The following SGCD variants were observed in gnomAD, a reference collection of about 807,000 sequenced individuals.
SGCD encodes sarcoglycan delta, also known as delta-sarcoglycan.
In SGCD, 18 loss-of-function variants were observed where a neutral mutation model predicts 36.6. The ratio of observed to expected loss-of-function variants is 0.49; its 90% CI spans 0.34 to 0.73. The LOEUF (loss-of-function observed/expected upper bound fraction) is 0.73, where lower values mean the gene tolerates loss of function less well. Ranked by LOEUF, SGCD falls within the 30% of genes least tolerant of loss-of-function variation. The pLI, the probability that SGCD is intolerant of heterozygous loss-of-function variation, is 0.01. For synonymous variants in SGCD, 133 were observed against 130.6 expected, an observed-to-expected ratio of 1.02 and a Z score of -0.12; for missense variants, 387 against 346.7, an observed-to-expected ratio of 1.12 and a Z score of -0.92.
rs1363136665 is a variant in SGCD, at chr5:156,049,914, T to G, written c.-281-67964T>G. On this transcript the variant is annotated intron_variant, in intron 1 of 9. Transcript: ENST00000517913. Reference sequence around the variant, plus strand: ...GAGCCTGGAGCTGTGACTGAAGTGCTGAAATCTCATGATAAAACTTGAATG... The same window carrying G: ...GAGCCTGGAGCTGTGACTGAAGTGCGGAAATCTCATGATAAAACTTGAATG... Among the ~76,000 whole-genome samples the G allele has an allele frequency of 2.0e-5, 3 of 146,678 alleles. 1 individual carries two copies. The highest frequency in any genetic ancestry group is 4.6e-5 in the Non-Finnish European group (3 of 64,996).
intron 2 of SGCD, among the ~76,000 whole-genome samples, chr5:156,344,012 C>T (rs7714142): frequency 0.13 from 20,458 of 152,102 alleles, 1,765 homozygotes; most frequent in African/African-American, 0.24. Context: ...TTGCCACTGA[C>T]TGGCAATACA....
At chr5:156,194,888 A>T (rs1763986078) in intron 3 of SGCD, among the ~76,000 whole-genome samples, 1 of 152,154 alleles carries the variant, frequency 6.6e-6, no homozygotes, top group Admixed American at 6.5e-5. Flanking sequence ...TGAACAATAA[A>T]GCCAGGTATG....
intron 1 of SGCD, among the ~76,000 whole-genome samples, chr5:156,102,451 A>G (rs1338083597): frequency 6.6e-6 from 1 of 152,150 alleles, no homozygotes; most frequent in Admixed American, 6.6e-5. Context: ...AATATTTCTG[A>G]AAAAAATCTT....
At chr5:155,870,442 A>G (rs1464909302) in intron 1 of SGCD, 1 of 152,162 alleles carries the variant, frequency 6.6e-6, no homozygotes, top group Non-Finnish European at 1.5e-5. Flanking sequence ...TCCAAATTTT[A>G]CTTACATTAT....
rs551133849 is a variant in SGCD at position 155,967,144 on chromosome 5, G to T, written c.-282+96720G>T. Among the ~76,000 whole-genome samples the T allele has an allele frequency of 1.7e-4, 26 of 152,014 alleles. No individual in the cohort carries two copies. The South Asian group carries it at 5.4e-3, about 32-fold the overall frequency. On this transcript the variant is annotated intron_variant, in intron 1 of 9. Transcript: ENST00000517913. Reference sequence around the variant, plus strand: ...CCCTCATTGTTTCACCCTCAAATTTGGGAGAGTATAATTCTGTGCTTGCCT... The same window carrying T: ...CCCTCATTGTTTCACCCTCAAATTTTGGAGAGTATAATTCTGTGCTTGCCT...
At chr5:155,731,186 AAG>A in the SGCD span, among the ~76,000 whole-genome samples, 1 of 151,738 alleles carries the variant, frequency 6.6e-6, no homozygotes. Context: ...CAGAGATAGA[AAG>A]AGAGAGGGAG....
rs991936594 is a variant in SGCD, at chr5:156,663,040, A to G, written c.575+15504A>G. On this transcript the variant is annotated intron_variant, in intron 7 of 8. Coordinates refer to ENST00000337851, the MANE Select transcript of SGCD (RefSeq NM_000337.6). ...CAACTGGAACTTTAATGCCATCTTC[A>G]TTTTTCCCTAGTCCCTTTCCTGGTA... is the stretch of plus-strand genomic sequence containing the variant. Among the ~76,000 whole-genome samples, 104 of 150,098 alleles carry G rather than the reference A, an allele frequency of 6.9e-4. 5 individuals carry two copies. Among genetic ancestry groups the G allele is most frequent in the Middle Eastern group, 3.4e-3 (1 of 294 alleles).
At chr5:156,601,837 C>T (rs1377728743) in intron 6 of SGCD, among the ~76,000 whole-genome samples, 1 of 151,922 alleles carries the variant, frequency 6.6e-6, no homozygotes, top group Admixed American at 6.5e-5. Flanking sequence ...GCGCCTGCCA[C>T]CACGCCCGGC....
intron 4 of SGCD, among the ~76,000 whole-genome samples, chr5:156,555,497 G>A (rs1380202567): frequency 2.6e-5 from 4 of 152,056 alleles, no homozygotes; most frequent in African/African-American, 7.2e-5. Context: ...CCACTGAATG[G>A]TTTGGTACCC....
intron 7 of SGCD, among the ~76,000 whole-genome samples, chr5:156,679,038 A>T (rs989867406): frequency 2.0e-5 from 3 of 152,224 alleles, no homozygotes; most frequent in African/African-American, 7.2e-5. Context: ...AGACCAGTGG[A>T]GAATGCAGCA....
intron 3 of SGCD, among the ~76,000 whole-genome samples, chr5:156,227,583 G>T (rs1764890458): frequency 6.6e-6 from 1 of 151,850 alleles, no homozygotes; most frequent in South Asian, 2.1e-4. Context: ...TGGCTATGTG[G>T]GCTCTTTTTT....
intron 3 of SGCD, among the ~76,000 whole-genome samples, chr5:156,377,417 A>G (rs1194929757): frequency 2.0e-5 from 3 of 152,176 alleles, no homozygotes; most frequent in East Asian, 1.9e-4. Flanking sequence ...ACAACACACT[A>G]TGTTTTCTTA....
chr5:156,313,109 T>A (rs773084098), intron 3 of SGCD, among the ~76,000 whole-genome samples: 2 of 152,078 alleles, frequency 1.3e-5, no homozygotes, highest in Non-Finnish European at 2.9e-5. Flanking sequence ...TTTATTTGCC[T>A]CCTCTTTCTT....
chr5:155,764,374 T>G, the SGCD span, among the ~76,000 whole-genome samples: 7 of 152,178 alleles, frequency 4.6e-5, no homozygotes, highest in Non-Finnish European at 1.0e-4. Context: ...TCAGGCTGAA[T>G]TCTGCAGGTC....
intron 7 of SGCD, among the ~76,000 whole-genome samples, chr5:156,723,073 G>T (rs17053843): frequency 1.6e-3 from 243 of 152,284 alleles, no homozygotes; most frequent in Non-Finnish European, 2.8e-3. Context: ...CCTAGAGAGG[G>T]TTAAAAGCTT....
At chr5:156,089,323 T>C (rs1163249356) in intron 1 of SGCD, among the ~76,000 whole-genome samples, 2 of 152,246 alleles carry the variant, frequency 1.3e-5, no homozygotes, top group Non-Finnish European at 2.9e-5. Flanking sequence ...TTGGCCATCA[T>C]ATTCTTTAAG....
At chr5:156,473,967 G>A (rs1755076639) in intron 3 of SGCD, among the ~76,000 whole-genome samples, 3 of 145,728 alleles carry the variant, frequency 2.1e-5, no homozygotes, top group African/African-American at 7.9e-5. Context: ...TTTGTGTGTG[G>A]GTTTTTTTTT....
chr5:155,978,646 A>G (rs1264143038), intron 1 of SGCD, among the ~76,000 whole-genome samples: 1 of 152,262 alleles, frequency 6.6e-6, no homozygotes, highest in Non-Finnish European at 1.5e-5. Context: ...CTCGCCAGAT[A>G]TAAATATCAA....
chr5:156,749,567 A>G (rs540274450), intron 7 of SGCD, among the ~76,000 whole-genome samples: 1 of 152,350 alleles, frequency 6.6e-6, no homozygotes, highest in South Asian at 2.1e-4. Flanking sequence ...ACAGACAGCT[A>G]CAAACGCAGG....
Sources: allele counts gnomAD v4.1 joint callset (sites outside exome capture counted in the v4.1 genomes callset), GRCh38; gene constraint gnomAD v4.1.1; transcripts MANE v1.5; gene names NCBI Gene and HGNC (gene_info 2026-07-23, HGNC 2026-07-21).